The following C2CD5 variants were observed in gnomAD, a reference collection of about 807,000 sequenced individuals.
C2CD5 encodes C2 domain-containing protein 5.
A neutral mutation model predicts 130.3 loss-of-function variants in C2CD5; 109 were observed. That is an observed-to-expected ratio of 0.84 (90% CI 0.72 to 0.98). The LOEUF (loss-of-function observed/expected upper bound fraction) is 0.98, where lower values mean the gene tolerates loss of function less well. C2CD5 is among the 50% of genes least tolerant of loss of function. The probability of loss-of-function intolerance (pLI) is 0.00; values close to 1 mark genes in which losing one functional copy is unlikely to be tolerated. For missense variants in C2CD5, 996 were observed against 1,261.8 expected, an observed-to-expected ratio of 0.79 and a Z score of 3.19; for synonymous variants, 454 against 429.2, an observed-to-expected ratio of 1.06 and a Z score of -0.71.
chr12:22,543,149 T>A (rs1201561597), intron 2 of C2CD5, among the ~76,000 whole-genome samples: 1 of 152,218 alleles, frequency 6.6e-6, no homozygotes, highest in Admixed American at 6.5e-5. Context: ...TATATTATGA[T>A]ATATCTATCC....
chr12:22,468,898 A>G (rs953463513), intron 22 of C2CD5, among the ~76,000 whole-genome samples: 1 of 152,224 alleles, frequency 6.6e-6, no homozygotes, highest in Non-Finnish European at 1.5e-5. Flanking sequence ...TAGGAATCAT[A>G]AAATAATATC....
intron 9 of C2CD5, among the ~76,000 whole-genome samples, chr12:22,509,462 T>C (rs577982153): frequency 3.3e-5 from 5 of 152,136 alleles, no homozygotes; most frequent in Non-Finnish European, 5.9e-5. Flanking sequence ...TGGCTGCCCA[T>C]TGAGGCCACG....
intron 8 of C2CD5, among the ~76,000 whole-genome samples, chr12:22,516,171 T>C (rs1266896998): frequency 1.3e-5 from 2 of 151,788 alleles, no homozygotes; most frequent in African/African-American, 4.8e-5. Flanking sequence ...GATTCTGATA[T>C]AGGTAAATCA....
chr12:22,540,914 C>T (rs1436692698), intron 2 of C2CD5, among the ~76,000 whole-genome samples: 2 of 152,116 alleles, frequency 1.3e-5, no homozygotes, highest in Admixed American at 1.3e-4. Context: ...TATAGTTAAA[C>T]CGTGGTACTG....
rs1322668605 is a variant in C2CD5 at position 22,461,744 on chromosome 12, AGAGGGAAAAAAGG to A, written c.2534-2215_2534-2203del. Among the ~76,000 whole-genome samples the A allele has an allele frequency of 2.0e-5, 3 of 152,306 alleles. No individual in the cohort carries two copies. In the East Asian group the frequency reaches 5.8e-4, roughly 29 times the overall value. Reference sequence around the variant, plus strand: ...CCAGTAAAATTTATATAAAGGATGAAGAGGGAAAAAAGGGAGGGAAAATGTTTATTCCCTGCCC... The same window carrying A: ...CCAGTAAAATTTATATAAAGGATGAAGAGGGAAAATGTTTATTCCCTGCCC... On this transcript the variant is annotated intron_variant, in intron 22 of 26. Coordinates refer to ENST00000446597, the MANE Select transcript of C2CD5 (RefSeq NM_001286176.2).
At chr12:22,478,187 T>C (rs1340869513) in intron 15 of C2CD5, 126 bp downstream of exon 15, 6 of 720,748 alleles carry the variant, frequency 8.3e-6, no homozygotes, top group Non-Finnish European at 1.4e-5. Context: ...TAAAGGGAGG[T>C]GAAAGAATGA....
chr12:22,544,171 C>A lies in C2CD5; in HGVS notation c.-21G>T, dbSNP rs375227620. 4.3e-6 allele frequency: 7 copies of A among 1,611,394 alleles called. No individual in the cohort carries two copies. In the South Asian group the frequency reaches 5.5e-5, roughly 13 times the overall value. On this transcript the variant is annotated 5_prime_UTR_variant, in exon 2 of 27. Coordinates refer to ENST00000446597, the MANE Select transcript of C2CD5 (RefSeq NM_001286176.2). ...GGCATGGTCTCGGTTTCGGCCTCTT[C>A]TTGGGCTCCTGCAGAAACAAACAAA...
intron 10 of C2CD5, among the ~76,000 whole-genome samples, chr12:22,499,925 C>A (rs983120921): frequency 1.3e-5 from 2 of 152,204 alleles, no homozygotes; most frequent in African/African-American, 4.8e-5. Flanking sequence ...CAGTGGCTCA[C>A]GCCCGTAATC....
chr12:22,536,423 T>A (rs551495304), intron 2 of C2CD5, among the ~76,000 whole-genome samples: 1 of 152,250 alleles, frequency 6.6e-6, no homozygotes, highest in South Asian at 2.1e-4. Context: ...AATTACAGAA[T>A]CCTAGGTTTG....
At chr12:22,480,524 A>G (rs1489582775) in intron 14 of C2CD5, among the ~76,000 whole-genome samples, 1 of 152,234 alleles carries the variant, frequency 6.6e-6, no homozygotes, top group Non-Finnish European at 1.5e-5. Context: ...TGAATCAGAA[A>G]AGCAATATTT....
intron 4 of C2CD5, among the ~76,000 whole-genome samples, chr12:22,527,005 C>G (rs1156747964): frequency 6.6e-6 from 1 of 152,172 alleles, no homozygotes; most frequent in Non-Finnish European, 1.5e-5. Context: ...ATTTAAAAAT[C>G]AGCCAGGTGT....
At chr12:22,531,748 G>T (rs1193632742) in intron 3 of C2CD5, among the ~76,000 whole-genome samples, 2 of 152,124 alleles carry the variant, frequency 1.3e-5, no homozygotes, top group East Asian at 3.9e-4. Flanking sequence ...ACTCTGATGA[G>T]GTCGTAATTT....
chr12:22,500,011 A>C (rs1043274403), intron 10 of C2CD5, among the ~76,000 whole-genome samples: 7 of 152,040 alleles, frequency 4.6e-5, no homozygotes, highest in Admixed American at 4.6e-4. Flanking sequence ...AACATGGTGA[A>C]ACCCCATCTC....
intron 10 of C2CD5, among the ~76,000 whole-genome samples, chr12:22,504,071 G>A (rs1948154735): frequency 6.6e-6 from 1 of 151,982 alleles, no homozygotes; most frequent in Non-Finnish European, 1.5e-5. Context: ...TTCTGTAATA[G>A]GAATCATTCT....
intron 14 of C2CD5, among the ~76,000 whole-genome samples, chr12:22,479,334 A>G (rs1490264355): frequency 1.3e-5 from 2 of 152,062 alleles, no homozygotes; most frequent in Non-Finnish European, 2.9e-5. Flanking sequence ...TTGGCCTCCT[A>G]AAGTGCTGGG....
At chr12:22,504,942 C>T (rs1948294010) in intron 10 of C2CD5, among the ~76,000 whole-genome samples, 1 of 150,810 alleles carries the variant, frequency 6.6e-6, no homozygotes, top group Admixed American at 6.6e-5. Flanking sequence ...ATATTGACCA[C>T]AAAAATAAGA....
chr12:22,459,303 A>G (rs746727148), intron 23 of C2CD5, among the ~76,000 whole-genome samples, 189 bp downstream of exon 23: 7 of 152,116 alleles, frequency 4.6e-5, no homozygotes, highest in Non-Finnish European at 8.8e-5. Context: ...TTAACATACT[A>G]AAAAATTTAA....
chr12:22,507,433 T>C (rs895583926), intron 9 of C2CD5, among the ~76,000 whole-genome samples: 4 of 152,138 alleles, frequency 2.6e-5, no homozygotes, highest in African/African-American at 9.7e-5. Flanking sequence ...TAAAGGTACA[T>C]TAAGGAAAGT....
At chr12:22,515,150 G>A (rs908778814) in intron 8 of C2CD5, 2 of 983,950 alleles carry the variant, frequency 2.0e-6, no homozygotes, top group African/African-American at 3.5e-5. Context: ...TGGGTAAGGT[G>A]CTGTGGAGGA....
Sources: allele counts gnomAD v4.1 joint callset (sites outside exome capture counted in the v4.1 genomes callset), GRCh38; gene constraint gnomAD v4.1.1; transcripts MANE v1.5; gene names NCBI Gene and HGNC (gene_info 2026-07-23, HGNC 2026-07-21).